Variants in COL22A1 observed in about 807,000 individuals in gnomAD.
COL22A1 encodes collagen alpha-1(XXII) chain.
Under a neutral mutation model 248.9 loss-of-function variants are expected in COL22A1, and 221 were observed. The observed-to-expected ratio is 0.89, with a 90% CI of 0.80 to 0.99. The LOEUF (loss-of-function observed/expected upper bound fraction) is 0.99. Ranked by LOEUF, COL22A1 falls within the 50% of genes least tolerant of loss-of-function variation. COL22A1 has a pLI of 0.00. For synonymous variants in COL22A1, 891 were observed against 793.4 expected, an observed-to-expected ratio of 1.12 and a Z score of -2.07; for missense variants, 2,240 against 2,179.0, an observed-to-expected ratio of 1.03 and a Z score of -0.56.
At chr8:138,882,301 C>T (rs1824270599) in intron 2 of COL22A1, among the ~76,000 whole-genome samples, 1 of 150,938 alleles carries the variant, frequency 6.6e-6, no homozygotes, top group African/African-American at 2.5e-5. Context: ...TGCATACTGA[C>T]ATTGCCACAC....
intron 58 of COL22A1, among the ~76,000 whole-genome samples, chr8:138,605,945 G>T (rs1564087966): frequency 6.6e-6 from 1 of 151,928 alleles, no homozygotes; most frequent in Non-Finnish European, 1.5e-5. Context: ...TATTTCCAGG[G>T]GTCCTTCAAG....
Position 138,591,484 on chromosome 8 carries a change from CT to C in COL22A1, c.4632del (p.Gly1545ValfsTer79). 6.4e-7 allele frequency: 1 copy of C among 1,559,456 alleles called. No homozygotes were observed. The highest frequency in any genetic ancestry group is 8.7e-7 in the Non-Finnish European group (1 of 1,150,842). On this transcript the variant is annotated frameshift_variant, in exon 64 of 65. Transcript: ENST00000303045. LOFTEE classifies it high-confidence loss of function. ...CCAACTCCAGGTGCACCTGGGTCAC[CT>C]TTGGCTCCTCGCTCACCTGGGAAGA... ...PIGPKGERGAKGDPGAPGVGL... is the reference protein window; with the variant it reads ...PIGPKGERGAXGDPGAPGVGL...
rs1832606918 is a variant in COL22A1 at position 138,751,591 on chromosome 8, A to G, written c.2032-80T>C. ...CTCAATGGCATAGCTTAGGCTTTAG[A>G]ATCTCACCCTCATTGAATAGTGTAA... On this transcript the variant is annotated intron_variant, in intron 21 of 64. Coordinates refer to ENST00000303045, the MANE Select transcript of COL22A1 (RefSeq NM_152888.3). 3 of 981,412 alleles carry G rather than the reference A, an allele frequency of 3.1e-6. No homozygotes were observed. In the African/African-American group the frequency reaches 4.9e-5, roughly 16 times the overall value. The allele number at this position is 981,412 out of a possible 1,614,324, so 60.8% of individuals were successfully genotyped here. A position where few individuals can be genotyped will look rare whatever the true frequency, so the allele number is the denominator to read the frequency against.
intron 21 of COL22A1, among the ~76,000 whole-genome samples, chr8:138,753,080 C>T (rs1832736041): frequency 6.6e-6 from 1 of 152,188 alleles, no homozygotes; most frequent in South Asian, 2.1e-4. Context: ...GTCACCAAAG[C>T]CACAAAATTA....
chr8:138,727,611 C>T (rs1830414563), intron 23 of COL22A1, among the ~76,000 whole-genome samples: 1 of 152,164 alleles, frequency 6.6e-6, no homozygotes, highest in Non-Finnish European at 1.5e-5. Context: ...GTGAACTGTT[C>T]CCCTTTCTCC....
At chr8:138,868,814 T>C (rs1458272644) in intron 3 of COL22A1, among the ~76,000 whole-genome samples, 2 of 151,440 alleles carry the variant, frequency 1.3e-5, no homozygotes, top group Non-Finnish European at 2.9e-5. Flanking sequence ...CACTGCAACC[T>C]CTGCCTCCCA....
At chr8:138,890,348 C>T (rs971363445) in intron 1 of COL22A1, among the ~76,000 whole-genome samples, 1 of 152,210 alleles carries the variant, frequency 6.6e-6, no homozygotes, top group African/African-American at 2.4e-5. Flanking sequence ...ATCTACTCAA[C>T]ATGCTACTGG....
At chr8:138,762,681 C>T (rs4236875) in intron 16 of COL22A1, among the ~76,000 whole-genome samples, 111,445 of 152,004 alleles carry the variant, frequency 0.73, 43,423 homozygotes, top group South Asian at 0.88. Context: ...TAGAGTCATC[C>T]CTCTGCTTTT....
At chr8:138,727,840 C>T (rs917292315) in intron 23 of COL22A1, among the ~76,000 whole-genome samples, 3 of 152,098 alleles carry the variant, frequency 2.0e-5, no homozygotes, top group African/African-American at 7.2e-5. Context: ...AACCTGGGTC[C>T]TCCCTAATGG....
chr8:138,891,322 C>T (rs1157234227), intron 1 of COL22A1, among the ~76,000 whole-genome samples: 2 of 152,182 alleles, frequency 1.3e-5, no homozygotes, highest in Admixed American at 6.5e-5. Context: ...GTACTAATCA[C>T]CCCCTTTACC....
At chr8:138,837,351 T>C (rs1820517052) in intron 4 of COL22A1, among the ~76,000 whole-genome samples, 1 of 152,100 alleles carries the variant, frequency 6.6e-6, no homozygotes. Context: ...GATCCCAAGT[T>C]GGACGAGGCC....
At chr8:138,681,524 GA>G in intron 39 of COL22A1, among the ~76,000 whole-genome samples, 1 of 152,288 alleles carries the variant, frequency 6.6e-6, no homozygotes, top group African/African-American at 2.4e-5. Context: ...TGTCTTCCAA[GA>G]GGCTATCAAT....
chr8:138,799,362 T>C (rs778262100), intron 11 of COL22A1, among the ~76,000 whole-genome samples: 2 of 152,230 alleles, frequency 1.3e-5, no homozygotes. Flanking sequence ...TCGGTTTATG[T>C]CACATTTTTC....
chr8:138,751,254 C>T (rs1402770308), intron 22 of COL22A1, among the ~76,000 whole-genome samples: 1 of 152,218 alleles, frequency 6.6e-6, no homozygotes, highest in Non-Finnish European at 1.5e-5. Flanking sequence ...GACTGATCTC[C>T]ATGTCCCTGA....
At chr8:138,834,322 A>C (rs1190185637) in intron 4 of COL22A1, among the ~76,000 whole-genome samples, 1 of 151,558 alleles carries the variant, frequency 6.6e-6, no homozygotes, top group Non-Finnish European at 1.5e-5. Flanking sequence ...CAATACTCTA[A>C]GGCACTACTG....
chr8:138,724,550 A>G (rs62527959), intron 25 of COL22A1, 65 bp downstream of exon 25: 180,251 of 1,492,896 alleles, frequency 0.12, 11,882 homozygotes, highest in Non-Finnish European at 0.14. Context: ...GCAAGGGCTC[A>G]GTGCTCCCCC....
At chr8:138,814,898 A>G (rs1157335778) in intron 7 of COL22A1, among the ~76,000 whole-genome samples, 1 of 152,164 alleles carries the variant, frequency 6.6e-6, no homozygotes, top group Non-Finnish European at 1.5e-5. Context: ...TGCATCTTGC[A>G]TGATATGGTT....
At position 138,617,792 on chromosome 8, in the gene COL22A1, G is replaced by A. The variant is rs138533530; in HGVS notation, c.3826-834C>T. Reference sequence around the variant, plus strand: ...ATTTTGCAGCTGTGGGATCTTGGAAGCTCTACTTCTCTTCTCTGGAACTCA... The same window carrying A: ...ATTTTGCAGCTGTGGGATCTTGGAAACTCTACTTCTCTTCTCTGGAACTCA... On this transcript the variant is annotated intron_variant, in intron 53 of 64. Coordinates refer to ENST00000303045, the MANE Select transcript of COL22A1 (RefSeq NM_152888.3). Among the ~76,000 whole-genome samples, 59 of 152,312 alleles carry A rather than the reference G, an allele frequency of 3.9e-4. No homozygotes were observed. The East Asian group carries it at 0.01, about 27-fold the overall frequency.
chr8:138,717,861 G>C (rs11778635), intron 27 of COL22A1, among the ~76,000 whole-genome samples: 1 of 152,090 alleles, frequency 6.6e-6, no homozygotes, highest in African/African-American at 2.4e-5. Flanking sequence ...GGTGGTGAGC[G>C]CGGACTATCA....
Sources: allele counts gnomAD v4.1 joint callset (sites outside exome capture counted in the v4.1 genomes callset), GRCh38; gene constraint gnomAD v4.1.1; transcripts MANE v1.5; gene names NCBI Gene and HGNC (gene_info 2026-07-23, HGNC 2026-07-21).